The following GRHL3 variants were observed in gnomAD, a reference collection of about 807,000 sequenced individuals.
The protein encoded by GRHL3 is grainyhead like transcription factor 3, also known as grainyhead-like protein 3 homolog.
In GRHL3, 20 loss-of-function variants were observed where a neutral mutation model predicts 70.3. The ratio of observed to expected loss-of-function variants is 0.28; its 90% CI spans 0.20 to 0.41. GRHL3 has a LOEUF of 0.41. Ranked by LOEUF, GRHL3 falls within the 10% of genes least tolerant of loss-of-function variation. The pLI, the probability that GRHL3 is intolerant of heterozygous loss-of-function variation, is 1.00. For missense variants in GRHL3, 637 were observed against 762.3 expected (o/e 0.84, Z 1.94); for synonymous variants, 299 against 299.9 (o/e 1.00, Z 0.03).
intron 1 of GRHL3, among the ~76,000 whole-genome samples, chr1:24,324,414 G>A (rs960280845): frequency 7.2e-5 from 11 of 152,176 alleles, no homozygotes; most frequent in East Asian, 1.9e-4. Context: ...GAGATATCCC[G>A]ATTCATAGGC....
Position 24,354,494 on chromosome 1 carries a change from C to T in GRHL3, c.*6C>T. 1 of 1,584,216 alleles carries T rather than the reference C, an allele frequency of 6.3e-7. No homozygotes were observed. Among genetic ancestry groups the T allele is most frequent in the African/African-American group, 1.3e-5 (1 of 74,468 alleles). ...TCATCCTTAAGGAGCTGTAAGGCCTCTCGAGCATCCAAACCCTCACGACCT... is the reference window on the plus strand; with the variant it reads ...TCATCCTTAAGGAGCTGTAAGGCCTTTCGAGCATCCAAACCCTCACGACCT... On this transcript the variant is annotated 3_prime_UTR_variant, in exon 16 of 16. Coordinates refer to ENST00000361548, the MANE Select transcript of GRHL3 (RefSeq NM_198173.3).
chr1:24,345,514 C>T (rs1640243870), intron 12 of GRHL3, among the ~76,000 whole-genome samples: 1 of 151,720 alleles, frequency 6.6e-6, no homozygotes, highest in Non-Finnish European at 1.5e-5. Flanking sequence ...TGTGAAAAGT[C>T]GGCGAATCTC....
intron 1 of GRHL3, 92 bp from the exon 2 acceptor site, chr1:24,331,334 A>G: frequency 3.4e-6 from 4 of 1,178,968 alleles, no homozygotes; most frequent in South Asian, 1.7e-5. Flanking sequence ...CAAAGCTAAT[A>G]ACTCTGAATT....
intron 1 of GRHL3, among the ~76,000 whole-genome samples, chr1:24,323,456 AAT>A (rs1210500415): frequency 1.1e-4 from 16 of 152,176 alleles, no homozygotes; most frequent in African/African-American, 3.9e-4. Flanking sequence ...GAGGTTCCCA[AAT>A]CCACTACTGA....
Position 24,337,979 on chromosome 1 carries a change from A to G in GRHL3, c.841-13A>G, listed in dbSNP as rs188812038. 9 of 1,586,040 alleles carry G rather than the reference A, an allele frequency of 5.7e-6. No individual in the cohort carries two copies. Among genetic ancestry groups the G allele is most frequent in the Non-Finnish European group, 6.0e-6 (7 of 1,163,076 alleles). ...AAGAGGCCGGGAGTGACTGTGACCA[A>G]CTGTGCTTGCAGAGTGTGGTGATGG... On this transcript the variant is annotated splice_polypyrimidine_tract_variant and intron_variant, in intron 6 of 15. Coordinates refer to ENST00000361548, the MANE Select transcript of GRHL3 (RefSeq NM_198173.3).
Position 24,334,502 on chromosome 1 carries a change from T to G in GRHL3, c.205-143T>G. On this transcript the variant is annotated intron_variant, in intron 2 of 15. Coordinates refer to ENST00000361548, the MANE Select transcript of GRHL3 (RefSeq NM_198173.3). This position sits in a 1 kb window ranked among gnomAD's most constrained non-coding sequence, Gnocchi z 4.3. ...TCCCATGTGATTATGGGAACTACGA[T>G]TCAAGATGAGATTTGGGTGGGGACA... The G allele has an allele frequency of 3.2e-6, 2 of 632,892 alleles. No homozygotes were observed. Among genetic ancestry groups the G allele is most frequent in the South Asian group, 4.1e-5 (2 of 49,224 alleles). The allele number at this position is 632,892 out of a possible 1,614,324, so 39.2% of individuals were successfully genotyped here. A position where few individuals can be genotyped will look rare whatever the true frequency, so the allele number is the denominator to read the frequency against.
intron 8 of GRHL3, 79 bp downstream of exon 8, chr1:24,339,841 C>A: frequency 1.1e-6 from 1 of 869,912 alleles, no homozygotes; most frequent in Non-Finnish European, 1.8e-6. Flanking sequence ...TTTCTTGCAC[C>A]TAGGATAGTG....
chr1:24,353,522 G>C (rs1640598057), intron 15 of GRHL3, among the ~76,000 whole-genome samples: 1 of 151,446 alleles, frequency 6.6e-6, no homozygotes, highest in African/African-American at 2.4e-5. Flanking sequence ...GATGGTGGAT[G>C]GGGGTGTGGT....
In GRHL3 at chr1:24,347,370, G is replaced by C. The variant is rs1640330118; in HGVS notation, c.1544-98G>C. The C allele has an allele frequency of 4.7e-6, 5 of 1,058,140 alleles. No individual in the cohort carries two copies. The South Asian group carries it at 5.2e-5, about 11-fold the overall frequency. 65.5% of individuals were successfully genotyped at this position (1,058,140 alleles called of 1,614,324 possible). A position where few individuals can be genotyped will look rare whatever the true frequency, so the allele number is the denominator to read the frequency against. On this transcript the variant is annotated intron_variant, in intron 13 of 15. Transcript: ENST00000361548. ...CCCAGCTGGGCAAAGACCCGCAGCA[G>C]AAGTCAATCTTCAAGTAACGTTTTC...
In GRHL3 at chr1:24,325,986, A is replaced by G. The variant is rs144288638; in HGVS notation, c.18-5440A>G. 9.1e-3 allele frequency among the ~76,000 whole-genome samples: 1,393 copies of G among 152,324 alleles called. 9 individuals are homozygous for G. Among genetic ancestry groups the G allele is most frequent in the Non-Finnish European group, 0.011 (766 of 68,024 alleles). ...CTTGAGGTACAAGCTCAGTGGCCTTAGGCAAGCCAGTGGCCCTCTCCATGG... is the reference window on the plus strand; with the variant it reads ...CTTGAGGTACAAGCTCAGTGGCCTTGGGCAAGCCAGTGGCCCTCTCCATGG... On this transcript the variant is annotated intron_variant, in intron 1 of 15. Transcript: ENST00000361548.
At chr1:24,352,247 C>T (rs1173850548) in intron 15 of GRHL3, among the ~76,000 whole-genome samples, 1 of 152,174 alleles carries the variant, frequency 6.6e-6, no homozygotes, top group Non-Finnish European at 1.5e-5. Context: ...ATGTGAGAAA[C>T]AGGAAATTCT....
rs745328429 is a variant in GRHL3 at position 24,342,715 on chromosome 1, G to A, written c.1228G>A (p.Asp410Asn). 33 of 1,614,182 alleles carry A rather than the reference G, an allele frequency of 2.0e-5. No homozygotes were observed. The South Asian group carries it at 2.3e-4, about 11-fold the overall frequency. Residue 410 changes from aspartate (D) to asparagine (N), a missense_variant, in exon 10 of 16, where the codon GAT becomes AAT. Transcript: ENST00000361548. The surrounding 1 kb of genome is among the most constrained non-coding windows in gnomAD (Gnocchi z 4.8). ...CDKGAERKMR[D>N]DERKQFRRKV... ...GCAGGGAGCTGAGAGGAAGATGCGC[G>A]ATGACGAGCGGAAGCAGTTCCGGAG... is the stretch of plus-strand genomic sequence containing the variant.
rs953500919 is a variant in GRHL3, at chr1:24,321,324, A to G, written c.17+1756A>G. 2.6e-5 allele frequency among the ~76,000 whole-genome samples: 4 copies of G among 152,198 alleles called. No individual in the cohort carries two copies. The highest frequency in any genetic ancestry group is 9.7e-5 in the African/African-American group (4 of 41,442). On this transcript the variant is annotated intron_variant, in intron 1 of 15. Coordinates refer to ENST00000361548, the MANE Select transcript of GRHL3 (RefSeq NM_198173.3). The surrounding 1 kb of genome is among the most constrained non-coding windows in gnomAD (Gnocchi z 4.0). Reference sequence around the variant, plus strand: ...AGCCAGTTGCCTGCTGAGTAATTGCAGGCGGACTCCAAGCCACCATTTGAG... The same window carrying G: ...AGCCAGTTGCCTGCTGAGTAATTGCGGGCGGACTCCAAGCCACCATTTGAG...
intron 4 of GRHL3, 22 bp from the exon 5 acceptor site, chr1:24,337,056 T>C (rs1209918754): frequency 3.1e-6 from 5 of 1,610,794 alleles, no homozygotes; most frequent in East Asian, 2.2e-5. Context: ...ATTTATTCTC[T>C]TGGGGCTGTG....
At position 24,331,591 on chromosome 1, in the gene GRHL3, C is replaced by A. The variant is rs745525353; in HGVS notation, c.183C>A (p.Ser61Arg). 6.2e-7 allele frequency: 1 copy of A among 1,613,722 alleles called. No homozygotes were observed. Among genetic ancestry groups the A allele is most frequent in the East Asian group, 2.2e-5 (1 of 44,876 alleles). Residue 61 changes from serine to arginine, a missense_variant, in exon 2 of 16, where the codon AGC (serine) becomes AGA (arginine). Ser to Arg is a moderately radical substitution (Grantham distance 110). Around this residue, in one of 2 missense-constraint regions of GRHL3, gnomAD observed 250 missense variants for 248.6 expected, o/e 1.01. Transcript: ENST00000361548. ...NGDDDSVAAL[S>R]FLYDYYMGPK... ...ATGATGACAGTGTTGCGGCCTTGAG[C>A]TTCCTCTATGATTACTACATGGTAC...
Position 24,342,116 on chromosome 1 carries a change from T to C in GRHL3, c.1049T>C (p.Val350Ala). 1.3e-6 allele frequency: 2 copies of C among 1,572,880 alleles called. No individual in the cohort carries two copies. Among genetic ancestry groups the C allele is most frequent in the Non-Finnish European group, 1.7e-6 (2 of 1,156,118 alleles). The change falls in exon 9 of 16, where the codon GTG becomes GCG. Residue 350 changes from valine (V) to alanine (A), a missense_variant and splice_region_variant. Val to Ala is a moderately conservative substitution (Grantham distance 64). Coordinates refer to ENST00000361548, the MANE Select transcript of GRHL3 (RefSeq NM_198173.3). The surrounding 1 kb of genome is among the most constrained non-coding windows in gnomAD (Gnocchi z 4.8). ...FVWNVNEEAK[V>A]FIGVNCLSTD... is the part of the protein sequence containing the mutation. ...CCCAGCGGCCCCCTCTGTCTCCAGG[T>C]GTTCATCGGCGTAAACTGTCTGAGC...
chr1:24,343,938 GTCCC>G (rs1640145855), intron 11 of GRHL3, among the ~76,000 whole-genome samples: 1 of 152,178 alleles, frequency 6.6e-6, no homozygotes, highest in South Asian at 2.1e-4. Context: ...CACTGTCTGT[GTCCC>G]TCCTCTCTTT....
intron 8 of GRHL3, among the ~76,000 whole-genome samples, chr1:24,340,745 T>C (rs1000774086): frequency 6.6e-6 from 1 of 151,946 alleles, no homozygotes; most frequent in Non-Finnish European, 1.5e-5. Context: ...AAGATGGAGG[T>C]GCAGGAGCTC....
At chr1:24,356,986 G>C (rs1348532799), downstream of GRHL3, 2 of 151,738 alleles carry the variant, frequency 1.3e-5, no homozygotes, top group African/African-American at 4.8e-5. Context: ...AAAATTAAGG[G>C]GTACCCAAAA....
Sources: gnomAD v4.1 joint callset for allele counts (sites outside exome capture counted in the v4.1 genomes callset) on GRCh38, gnomAD v4.1.1 for gene constraint, gnomAD v4.1.1 regional missense constraint, Gnocchi (gnomAD v3.1) non-coding constraint, MANE v1.5 for transcripts, NCBI Gene and HGNC (gene_info 2026-07-23, HGNC 2026-07-21) for gene names.